ADTRP: variants seen among roughly 807,000 people sequenced by gnomAD.
ADTRP encodes the protein androgen dependent TFPI regulating protein, also known as androgen-dependent TFPI-regulating protein.
A neutral mutation model predicts 27.0 loss-of-function variants in ADTRP; 20 were observed. The observed-to-expected ratio is 0.74, with a 90% confidence interval of 0.52 to 1.08. The LOEUF (loss-of-function observed/expected upper bound fraction) is 1.08. Among genes scored for constraint, ADTRP ranks in the 50% least tolerant of loss-of-function variants. ADTRP has a pLI of 0.00. For synonymous variants in ADTRP, 101 were observed against 105.2 expected (o/e 0.96, Z 0.25); for missense variants, 251 against 275.0 (o/e 0.91, Z 0.62).
intron 3 of ADTRP, among the ~76,000 whole-genome samples, chr6:11,756,342 A>C (rs1307545895): frequency 1.3e-5 from 2 of 152,064 alleles, no homozygotes; most frequent in Non-Finnish European, 2.9e-5. Context: ...TCAAATAATA[A>C]TAATAATAAT....
chr6:11,768,503 T>C, intron 1 of ADTRP, 120 bp from the exon 2 acceptor site: 1 of 1,322,288 alleles, frequency 7.6e-7, no homozygotes, highest in Non-Finnish European at 1.0e-6. Context: ...GGCTGTTGGG[T>C]TGTTTTGGTT....
At chr6:11,725,334 A>T (rs1762154465) in intron 4 of ADTRP, among the ~76,000 whole-genome samples, 1 of 152,214 alleles carries the variant, frequency 6.6e-6, no homozygotes, top group Non-Finnish European at 1.5e-5. Context: ...ATAACAAAAA[A>T]CCCAAATAAC....
chr6:11,736,131 T>C (rs1762544364), intron 3 of ADTRP: 1 of 164,628 alleles, frequency 6.1e-6, no homozygotes, highest in South Asian at 1.5e-4. Context: ...CCCGGCTAAT[T>C]CCTGACCTCA....
At chr6:11,770,013 A>G in intron 1 of ADTRP, 2 of 1,551,560 alleles carry the variant, frequency 1.3e-6, no homozygotes, top group Non-Finnish European at 1.7e-6. Context: ...CCACCATTTT[A>G]CAAACGAGGA....
chr6:11,730,238 A>G (rs969129892), intron 4 of ADTRP, among the ~76,000 whole-genome samples: 31 of 152,144 alleles, frequency 2.0e-4, no homozygotes, highest in African/African-American at 7.2e-4. Context: ...ATTAATTTTC[A>G]TATATGAATT....
At chr6:11,745,546 C>T (rs1455893487) in intron 3 of ADTRP, among the ~76,000 whole-genome samples, 4 of 152,154 alleles carry the variant, frequency 2.6e-5, no homozygotes, top group African/African-American at 7.2e-5. Flanking sequence ...GGAGTTCACA[C>T]TGAAAGACCA....
At chr6:11,739,095 C>T (rs1762634084) in intron 3 of ADTRP, among the ~76,000 whole-genome samples, 2 of 151,682 alleles carry the variant, frequency 1.3e-5, no homozygotes, top group Admixed American at 1.3e-4. Context: ...TATGTTTTTG[C>T]TTCCAAAAAA....
chr6:11,766,965 G>A (rs529323454), intron 2 of ADTRP, among the ~76,000 whole-genome samples: 16 of 152,282 alleles, frequency 1.1e-4, no homozygotes, highest in African/African-American at 2.2e-4. Context: ...CGAAGTCAAC[G>A]CATAGATAAG....
intron 3 of ADTRP, among the ~76,000 whole-genome samples, chr6:11,754,659 C>A (rs1763158311): frequency 6.6e-6 from 1 of 152,154 alleles, no homozygotes; most frequent in Admixed American, 6.5e-5. Context: ...TCCAATTAGG[C>A]ATAAGTGGCT....
intron 1 of ADTRP, among the ~76,000 whole-genome samples, chr6:11,771,975 T>A (rs1179955746): frequency 6.6e-6 from 1 of 152,212 alleles, no homozygotes; most frequent in Non-Finnish European, 1.5e-5. Context: ...GCCCAGTCCA[T>A]GGTAGTTTGT....
At chr6:11,724,277 C>G (rs956618911) in intron 4 of ADTRP, among the ~76,000 whole-genome samples, 1 of 152,132 alleles carries the variant, frequency 6.6e-6, no homozygotes, top group Non-Finnish European at 1.5e-5. Context: ...TCCCTTAGCT[C>G]TCCAAGTCTG....
At chr6:11,758,580 G>GA (rs562533105) in intron 3 of ADTRP, among the ~76,000 whole-genome samples, 14 of 118,640 alleles carry the variant, frequency 1.2e-4, no homozygotes, top group East Asian at 9.2e-4. Context: ...TGGGGTGGGG[G>GA]GGGGGGACGG....
At chr6:11,766,176 G>A (rs1340318723) in intron 3 of ADTRP, 98 bp downstream of exon 3, 1 of 868,908 alleles carries the variant, frequency 1.2e-6, no homozygotes, top group African/African-American at 1.7e-5. Context: ...ATTGGATGCT[G>A]GGAATTGAGA....
intron 4 of ADTRP, among the ~76,000 whole-genome samples, chr6:11,727,927 A>G (rs191491983): frequency 1.5e-5 from 2 of 131,106 alleles, no homozygotes; most frequent in Non-Finnish European, 3.4e-5. Context: ...GGAAGGAAGG[A>G]AGGAAGGACG....
intron 4 of ADTRP, among the ~76,000 whole-genome samples, chr6:11,734,195 G>T (rs1014008307): frequency 2.6e-5 from 4 of 152,154 alleles, no homozygotes; most frequent in Non-Finnish European, 4.4e-5. Flanking sequence ...CCCCAATCCA[G>T]GTCCCAGATA....
intron 2 of ADTRP, among the ~76,000 whole-genome samples, chr6:11,766,578 C>T (rs1328057995): frequency 6.6e-6 from 1 of 152,196 alleles, no homozygotes; most frequent in African/African-American, 2.4e-5. Context: ...TATATCTGCT[C>T]TTTCTGGGGA....
rs1761754537 is a variant in ADTRP, at chr6:11,714,633, G to T, written c.659-121C>A. The T allele has an allele frequency of 1.3e-5, 15 of 1,135,816 alleles. No homozygotes were observed. In the South Asian group the frequency reaches 1.8e-4, roughly 13 times the overall value. 70.4% of individuals were successfully genotyped at this position (1,135,816 alleles called of 1,614,324 possible). A position where few individuals can be genotyped will look rare whatever the true frequency, so the allele number is the denominator to read the frequency against. On this transcript the variant is annotated intron_variant, in intron 5 of 5. Transcript: ENST00000414691. Reference sequence around the variant, plus strand: ...GGAAAGTTGAACACACTTTTCCCAAGGTGACAAGATGCAGTTTAAGGAGTT... The same window carrying T: ...GGAAAGTTGAACACACTTTTCCCAATGTGACAAGATGCAGTTTAAGGAGTT...
At chr6:11,771,990 G>C (rs1763797330) in intron 1 of ADTRP, among the ~76,000 whole-genome samples, 1 of 152,170 alleles carries the variant, frequency 6.6e-6, no homozygotes, top group Non-Finnish European at 1.5e-5. Context: ...GTTTGTTACG[G>C]CAGCCCTAGG....
chr6:11,769,404 C>T (rs1022399188), intron 1 of ADTRP, among the ~76,000 whole-genome samples: 1 of 152,110 alleles, frequency 6.6e-6, no homozygotes, highest in Admixed American at 6.6e-5. Context: ...AAGTCAGCCA[C>T]ATGCTGCTCC....
Sources: gnomAD v4.1 joint callset for allele counts (sites outside exome capture counted in the v4.1 genomes callset) on GRCh38, gnomAD v4.1.1 for gene constraint, MANE v1.5 for transcripts, NCBI Gene and HGNC (gene_info 2026-07-23, HGNC 2026-07-21) for gene names.